Variants in LOXHD1 observed in about 807,000 individuals in gnomAD.
The protein encoded by LOXHD1 is lipoxygenase homology domain-containing protein 1.
LOXHD1 carries 205 observed loss-of-function variants against 248.2 expected under a neutral mutation model. That is an observed-to-expected ratio of 0.83 (90% CI 0.74 to 0.93). LOXHD1 has a LOEUF of 0.93. Among genes scored for constraint, LOXHD1 ranks in the 40% least tolerant of loss-of-function variants. The probability of loss-of-function intolerance (pLI) is 0.00; values close to 1 mark genes in which losing one functional copy is unlikely to be tolerated. For synonymous variants in LOXHD1, 1,113 were observed against 1,162.8 expected, an observed-to-expected ratio of 0.96 and a Z score of 0.87; for missense variants, 2,930 against 2,971.6, an observed-to-expected ratio of 0.99 and a Z score of 0.33.
At chr18:46,558,046 C>T (rs2037413606) in intron 20 of LOXHD1, 3 of 987,038 alleles carry the variant, frequency 3.0e-6, no homozygotes, top group Non-Finnish European at 3.6e-6. Flanking sequence ...AAGCAGACCA[C>T]ACCAGGAACC....
chr18:46,532,251 T>C (rs1429910023), intron 28 of LOXHD1, among the ~76,000 whole-genome samples: 3 of 152,226 alleles, frequency 2.0e-5, no homozygotes, highest in Non-Finnish European at 4.4e-5. Context: ...GTCTGTTTTT[T>C]GCAAATGAAT....
At chr18:46,615,107 C>T (rs2038566554) in intron 5 of LOXHD1, among the ~76,000 whole-genome samples, 1 of 152,220 alleles carries the variant, frequency 6.6e-6, no homozygotes, top group South Asian at 2.1e-4. Flanking sequence ...GCTTGGACCC[C>T]AGCCTCTTTA....
chr18:46,486,247 C>T (rs187288645), intron 38 of LOXHD1, among the ~76,000 whole-genome samples: 44 of 152,246 alleles, frequency 2.9e-4, no homozygotes, highest in Admixed American at 6.5e-4. Flanking sequence ...GGATGACTGA[C>T]GGTCTGGGAT....
chr18:46,546,333 C>T (rs1267797979), intron 22 of LOXHD1, among the ~76,000 whole-genome samples: 6 of 151,802 alleles, frequency 4.0e-5, no homozygotes, highest in Non-Finnish European at 7.4e-5. Flanking sequence ...CACTCCATTC[C>T]AATACATTTC....
At position 46,649,286 on chromosome 18, in the gene LOXHD1, G is replaced by C; in HGVS notation, c.131-17C>G. On this transcript the variant is annotated splice_polypyrimidine_tract_variant and intron_variant, in intron 1 of 40. Coordinates refer to ENST00000642948, the MANE Select transcript of LOXHD1 (RefSeq NM_001384474.1). ...CTTCATACACTGGAGGAGGAGAGGA[G>C]GAGACAGATTGCAGGCTCAGAAAAA... is the stretch of plus-strand genomic sequence containing the variant. The C allele has an allele frequency of 6.5e-7, 1 of 1,541,784 alleles. No individual in the cohort carries two copies. The highest frequency in any genetic ancestry group is 8.8e-7 in the Non-Finnish European group (1 of 1,138,250).
Position 46,505,836 on chromosome 18 carries a change from A to G in LOXHD1, c.5878+2T>C. On this transcript the variant is annotated splice_donor_variant, in intron 37 of 40. Coordinates refer to ENST00000642948, the MANE Select transcript of LOXHD1 (RefSeq NM_001384474.1). LOFTEE classifies it high-confidence loss of function. ...ACCAACCTGGCCTTGAGTGGGAGCT[A>G]CCTTTGTTGTCGTGCCAGACCCTCA... is the stretch of plus-strand genomic sequence containing the variant. The G allele has an allele frequency of 6.4e-7, 1 of 1,551,508 alleles. No homozygotes were observed. Among genetic ancestry groups the G allele is most frequent in the Non-Finnish European group, 8.7e-7 (1 of 1,146,944 alleles).
intron 26 of LOXHD1, among the ~76,000 whole-genome samples, chr18:46,536,314 T>G (rs964300493): frequency 6.6e-6 from 1 of 152,026 alleles, no homozygotes; most frequent in African/African-American, 2.4e-5. Context: ...CCTGAGATAG[T>G]GGCTGAGCCA....
rs145530354 is a variant in LOXHD1, at chr18:46,530,724, C to T, written c.4376-1393G>A. ...CCCATGGCTGTAGAACACAGTGACA[C>T]CCACAGCAGGGTTCCCATGATTTTC... On this transcript the variant is annotated intron_variant, in intron 28 of 40. Coordinates refer to ENST00000642948, the MANE Select transcript of LOXHD1 (RefSeq NM_001384474.1). Among the ~76,000 whole-genome samples, 5 of 152,298 alleles carry T rather than the reference C, an allele frequency of 3.3e-5. No individual in the cohort carries two copies. In the East Asian group the frequency reaches 5.8e-4, roughly 18 times the overall value.
At chr18:46,577,591 C>A in intron 14 of LOXHD1, 116 bp downstream of exon 14, 1 of 1,219,654 alleles carries the variant, frequency 8.2e-7, no homozygotes, top group Non-Finnish European at 1.1e-6. Flanking sequence ...CTTGCACCAG[C>A]TATAGCCTTA....
downstream of LOXHD1, chr18:46,477,038 A>G: frequency 1.6e-6 from 1 of 636,470 alleles, no homozygotes; most frequent in Non-Finnish European, 2.8e-6. Context: ...AGATGCTAAG[A>G]TGAGTTCTTT....
Position 46,594,361 on chromosome 18 carries a change from T to C in LOXHD1, c.1240A>G (p.Met414Val). The C allele has an allele frequency of 6.4e-7, 1 of 1,551,662 alleles. No individual in the cohort carries two copies. The highest frequency in any genetic ancestry group is 8.7e-7 in the Non-Finnish European group (1 of 1,146,980). Residue 414 changes from methionine to valine, a missense_variant, in exon 9 of 41, where the codon ATG becomes GTG. Coordinates refer to ENST00000642948, the MANE Select transcript of LOXHD1 (RefSeq NM_001384474.1). The part of the protein sequence containing the change: ...DGLIERQLYE[M>V]VSLRKKRLKK... ...AGCCGCTTCTTCCTGAGAGACACCATCTCATAGAGCTGCCTCTCAATCAAC... is the reference window on the plus strand; with the variant it reads ...AGCCGCTTCTTCCTGAGAGACACCACCTCATAGAGCTGCCTCTCAATCAAC...
Position 46,534,395 on chromosome 18 carries a change from G to A in LOXHD1, c.4152C>T (p.Gly1384=), listed in dbSNP as rs758494024. ...GAGAGCAGTGCCACCCAGGATTCAT[G>A]CCCGTGTTATTATGGCCAATCCGAA... ...EKIRIGHNNT[G]MNPGWHCSHV... is the part of the protein sequence containing the mutation. The change falls in exon 27 of 41, where the codon GGC becomes GGT. Residue 1384 remains glycine, a synonymous_variant. Coordinates refer to ENST00000642948, the MANE Select transcript of LOXHD1 (RefSeq NM_001384474.1). The A allele has an allele frequency of 1.3e-6, 2 of 1,551,676 alleles. No individual in the cohort carries two copies. The highest frequency in any genetic ancestry group is 2.4e-5 in the South Asian group (2 of 84,054).
intron 1 of LOXHD1, among the ~76,000 whole-genome samples, chr18:46,651,939 G>A (rs1452949978): frequency 6.6e-6 from 1 of 152,154 alleles, no homozygotes; most frequent in Non-Finnish European, 1.5e-5. Context: ...GCACACAAAT[G>A]TTCATAACAG....
At chr18:46,589,505 T>G (rs556887481) in intron 12 of LOXHD1, among the ~76,000 whole-genome samples, 21 of 152,294 alleles carry the variant, frequency 1.4e-4, no homozygotes, top group African/African-American at 5.1e-4. Context: ...CTGAAAGAAG[T>G]AGACAAAGGC....
At chr18:46,529,607 G>T (rs559765673) in intron 28 of LOXHD1, among the ~76,000 whole-genome samples, 1 of 152,232 alleles carries the variant, frequency 6.6e-6, no homozygotes, top group South Asian at 2.1e-4. Context: ...CGATCTATCT[G>T]CCCATATAGC....
At chr18:46,554,930 C>A (rs2037257400) in intron 21 of LOXHD1, among the ~76,000 whole-genome samples, 1 of 151,504 alleles carries the variant, frequency 6.6e-6, no homozygotes, top group Non-Finnish European at 1.5e-5. Flanking sequence ...GCATAACAAT[C>A]AAAATTCCAA....
intron 26 of LOXHD1, among the ~76,000 whole-genome samples, chr18:46,536,749 C>T (rs190084310): frequency 9.7e-4 from 148 of 152,306 alleles, no homozygotes; most frequent in Non-Finnish European, 1.4e-3. Context: ...GACAGACCTT[C>T]CCACAAGTGC....
chr18:46,535,000 T>C (rs2036246088), intron 26 of LOXHD1, among the ~76,000 whole-genome samples: 1 of 152,154 alleles, frequency 6.6e-6, no homozygotes, highest in Admixed American at 6.5e-5. Context: ...ACCTAACCCA[T>C]ACCTGCTCAA....
intron 8 of LOXHD1, among the ~76,000 whole-genome samples, chr18:46,597,423 C>A (rs2038272484): frequency 6.6e-6 from 1 of 152,034 alleles, no homozygotes; most frequent in African/African-American, 2.4e-5. Flanking sequence ...ATTGAACTCG[C>A]TAGGAGGCTA....
Sources: gnomAD v4.1 joint callset for allele counts (sites outside exome capture counted in the v4.1 genomes callset) on GRCh38, gnomAD v4.1.1 for gene constraint, MANE v1.5 for transcripts, NCBI Gene and HGNC (gene_info 2026-07-23, HGNC 2026-07-21) for gene names.